Variants in CELF5 observed in about 807,000 individuals in gnomAD.
CELF5 encodes the protein CUG-BP and ETR-3 like factor 5.
Under a neutral mutation model 54.9 loss-of-function variants are expected in CELF5, and 6 were observed. The observed-to-expected ratio is 0.11, with a 90% CI of 0.06 to 0.22. The LOEUF is 0.22. Among genes scored for constraint, CELF5 ranks in the 10% least tolerant of loss-of-function variants. The pLI is 1.00. For synonymous variants in CELF5, 271 were observed against 290.9 expected, an observed-to-expected ratio of 0.93 and a Z score of 0.70; for missense variants, 401 against 678.6, an observed-to-expected ratio of 0.59 and a Z score of 4.54.
At chr19:3,250,884 G>GTCGTATCATTAA in intron 1 of CELF5, 101 bp from the exon 2 acceptor site, 1 of 583,596 alleles carries the variant, frequency 1.7e-6, no homozygotes, top group Non-Finnish European at 3.0e-6. Context: ...TCTGTGGATG[G>GTCGTATCATTAA]AAGCTTGGGT....
intron 1 of CELF5, among the ~76,000 whole-genome samples, chr19:3,240,387 A>G (rs1310607295): frequency 1.3e-5 from 2 of 151,384 alleles, no homozygotes; most frequent in African/African-American, 2.4e-5. Flanking sequence ...ATGCAGTGGC[A>G]TAATCTCAAC....
chr19:3,248,913 T>C (rs866941238), intron 1 of CELF5, among the ~76,000 whole-genome samples: 3,231 of 104,568 alleles, frequency 0.031, 91 homozygotes, highest in African/African-American at 0.11. Flanking sequence ...TTCCTTTCTT[T>C]CTTTCTTTCT....
chr19:3,259,199 G>A (rs2145178072), intron 2 of CELF5, among the ~76,000 whole-genome samples: 1 of 152,298 alleles, frequency 6.6e-6, no homozygotes, highest in Admixed American at 6.5e-5. Context: ...TTGAGTGGCA[G>A]CTCATGGGAG....
chr19:3,246,650 C>T (rs1172187540), intron 1 of CELF5, among the ~76,000 whole-genome samples: 1 of 150,734 alleles, frequency 6.6e-6, no homozygotes, highest in African/African-American at 2.4e-5. Context: ...GAGGTGGAAG[C>T]TGCAGTGAGC....
chr19:3,285,085 C>G (rs1437790530), intron 9 of CELF5, 121 bp downstream of exon 9: 2 of 763,728 alleles, frequency 2.6e-6, no homozygotes, highest in Non-Finnish European at 4.3e-6. Flanking sequence ...CTACCTCTGG[C>G]CCCGCCCCTC....
chr19:3,295,390 G>A (rs1568370553), intron 12 of CELF5: 1 of 151,904 alleles, frequency 6.6e-6, no homozygotes. Context: ...TCTATAGACA[G>A]TATATATATA....
intron 1 of CELF5, among the ~76,000 whole-genome samples, chr19:3,229,648 TGAGAGCAGAAGTGGCAGG>T (rs1290754804): frequency 1.3e-5 from 2 of 151,738 alleles, no homozygotes; most frequent in Admixed American, 1.3e-4. Context: ...ATGAGGGAGG[TGAGAGCAGAAGTGGCAGG>T]GAGAGCAGAG....
intron 2 of CELF5, among the ~76,000 whole-genome samples, chr19:3,265,639 C>T (rs1214733845): frequency 6.6e-6 from 1 of 152,074 alleles, no homozygotes; most frequent in Non-Finnish European, 1.5e-5. Context: ...AGTGGAGGAC[C>T]CTTCAGCTCC....
Position 3,268,093 on chromosome 19 carries a change from G to T in CELF5, c.343-5779G>T, listed in dbSNP as rs927365332. On this transcript the variant is annotated intron_variant, in intron 2 of 12. Transcript: ENST00000292672. This position sits in a 1 kb window ranked among gnomAD's most constrained non-coding sequence, Gnocchi z 4.4. ...AGCTCACTGCAACCTCGGCCTCCTG[G>T]GTTCAAGCAATTCTTCTGCCTCAGC... Among the ~76,000 whole-genome samples, 2 of 152,074 alleles carry T rather than the reference G, an allele frequency of 1.3e-5. No individual in the cohort carries two copies. The highest frequency in any genetic ancestry group is 1.3e-4 in the Admixed American group (2 of 15,256).
rs2080088771 is a variant in CELF5 at position 3,278,232 on chromosome 19, G to C, written c.603+122G>C. On this transcript the variant is annotated intron_variant, in intron 5 of 12. Coordinates refer to ENST00000292672, the MANE Select transcript of CELF5 (RefSeq NM_021938.4). This position sits in a 1 kb window ranked among gnomAD's most constrained non-coding sequence, Gnocchi z 4.5. ...CGGTAGCCCCTGGCTGTCCTTCAGA[G>C]GGGGCACAGGTGGAGAAAGAGGCGC... 1 of 719,376 alleles carries C rather than the reference G, an allele frequency of 1.4e-6. No homozygotes were observed. The highest frequency in any genetic ancestry group is 1.7e-5 in the African/African-American group (1 of 57,274). 44.6% of individuals were successfully genotyped at this position (719,376 alleles called of 1,614,324 possible).
chr19:3,256,572 T>TATTATC (rs2145083913), intron 2 of CELF5, among the ~76,000 whole-genome samples: 1 of 138,634 alleles, frequency 7.2e-6, no homozygotes, highest in South Asian at 2.4e-4. Context: ...TTATTATTAT[T>TATTATC]ATTAATTTTT....
intron 8 of CELF5, among the ~76,000 whole-genome samples, chr19:3,283,431 G>A (rs62125948): frequency 0.54 from 82,587 of 151,768 alleles, 23,763 homozygotes; most frequent in Middle Eastern, 0.69. Context: ...GCTCACTGCC[G>A]CCTCCATCTC....
chr19:3,241,153 C>T (rs1446927550), intron 1 of CELF5, among the ~76,000 whole-genome samples: 1 of 151,788 alleles, frequency 6.6e-6, no homozygotes, highest in South Asian at 2.1e-4. Context: ...CCACCAACTC[C>T]CTGGTTCAAG....
At chr19:3,249,075 C>T (rs999909546) in intron 1 of CELF5, among the ~76,000 whole-genome samples, 1 of 151,984 alleles carries the variant, frequency 6.6e-6, no homozygotes, top group African/African-American at 2.4e-5. Context: ...GCCCAGCTGG[C>T]GGGAGCGACC....
intron 2 of CELF5, among the ~76,000 whole-genome samples, chr19:3,256,729 T>C (rs1449846284): frequency 6.6e-6 from 1 of 151,472 alleles, no homozygotes; most frequent in African/African-American, 2.4e-5. Context: ...CACCGTGCCA[T>C]GCTAGTTTCT....
chr19:3,284,863 G>A (rs1204220567), intron 8 of CELF5, 39 bp from the exon 9 acceptor site: 1 of 1,594,316 alleles, frequency 6.3e-7, no homozygotes, highest in Non-Finnish European at 8.6e-7. Flanking sequence ...GAAGACTTCT[G>A]CTGCTCCCGC....
intron 2 of CELF5, among the ~76,000 whole-genome samples, chr19:3,273,581 A>C (rs1392646709): frequency 6.6e-6 from 1 of 152,226 alleles, no homozygotes; most frequent in Non-Finnish European, 1.5e-5. Context: ...CTGCAAAGTC[A>C]CATCGCATAA....
chr19:3,229,462 G>T (rs547958100), intron 1 of CELF5, among the ~76,000 whole-genome samples: 2 of 152,224 alleles, frequency 1.3e-5, no homozygotes, highest in Non-Finnish European at 2.9e-5. Context: ...CAGCCCAGAG[G>T]GGGGCCCTGC....
In CELF5 at chr19:3,282,593, G is replaced by A. The variant is rs1006940052; in HGVS notation, c.1039+95G>A. The stretch of plus-strand genomic sequence containing the variant: ...ATGAGTCCCTACATCACAGTGCCCA[G>A]GGAACAGAAGGGCAGGAAAAAGGGT... On this transcript the variant is annotated intron_variant, in intron 8 of 12. Coordinates refer to ENST00000292672, the MANE Select transcript of CELF5 (RefSeq NM_021938.4). This position sits in a 1 kb window ranked among gnomAD's most constrained non-coding sequence, Gnocchi z 5.2. 99 of 1,374,908 alleles carry A rather than the reference G, an allele frequency of 7.2e-5. No homozygotes were observed. Among genetic ancestry groups the A allele is most frequent in the Non-Finnish European group, 4.5e-5 (46 of 1,014,344 alleles). 85.2% of individuals were successfully genotyped at this position (1,374,908 alleles called of 1,614,324 possible).
Sources: gnomAD v4.1 joint callset for allele counts (sites outside exome capture counted in the v4.1 genomes callset) on GRCh38, gnomAD v4.1.1 for gene constraint, Gnocchi (gnomAD v3.1) non-coding constraint, MANE v1.5 for transcripts, NCBI Gene and HGNC (gene_info 2026-07-23, HGNC 2026-07-21) for gene names.